CLNK: variants seen among roughly 807,000 people sequenced by gnomAD.
CLNK encodes cytokine-dependent hematopoietic cell linker.
In CLNK, 74 loss-of-function variants were observed where a neutral mutation model predicts 68.6. The ratio of observed to expected loss-of-function variants is 1.08; its 90% CI spans 0.89 to 1.31. The LOEUF is 1.31. Ranked by LOEUF, CLNK falls within the 50% of genes most tolerant of loss-of-function variation. The pLI is 0.00. For missense variants in CLNK, 553 were observed against 515.3 expected, an observed-to-expected ratio of 1.07 and a Z score of -0.71; for synonymous variants, 198 against 172.2, an observed-to-expected ratio of 1.15 and a Z score of -1.17.
intron 2 of CLNK, among the ~76,000 whole-genome samples, chr4:10,600,564 T>C (rs183733509): frequency 1.4e-3 from 216 of 152,276 alleles, no homozygotes; most frequent in Middle Eastern, 3.4e-3. Context: ...TCCCCTTGCA[T>C]TGGAGCCTTG....
intron 2 of CLNK, among the ~76,000 whole-genome samples, chr4:10,646,369 C>T (rs1723511276): frequency 6.6e-6 from 1 of 152,108 alleles, no homozygotes; most frequent in Non-Finnish European, 1.5e-5. Context: ...ATTTTTAAAT[C>T]CAGAGAGCTT....
the CLNK span, among the ~76,000 whole-genome samples, chr4:10,725,636 A>G: frequency 2.0e-4 from 30 of 152,242 alleles, no homozygotes; most frequent in South Asian, 8.3e-4. Flanking sequence ...GGCGGATCAC[A>G]AGGTCAGGAG....
chr4:10,630,085 C>G (rs1722826381), intron 2 of CLNK, among the ~76,000 whole-genome samples: 1 of 152,164 alleles, frequency 6.6e-6, no homozygotes, highest in African/African-American at 2.4e-5. Context: ...AGGGATATAA[C>G]AGAGGATAGC....
chr4:10,691,643 C>T, the CLNK span, among the ~76,000 whole-genome samples: 1 of 151,548 alleles, frequency 6.6e-6, no homozygotes, highest in Non-Finnish European at 1.5e-5. Flanking sequence ...TTGCCGGATA[C>T]TTTTCCCCAA....
chr4:10,716,512 AAAC>A, the CLNK span, among the ~76,000 whole-genome samples: 12 of 152,134 alleles, frequency 7.9e-5, no homozygotes, highest in Non-Finnish European at 1.5e-4. Flanking sequence ...TAAACCTAAA[AAAC>A]AACAAGGTGG....
chr4:10,499,776 C>T (rs1026345833), intron 18 of CLNK, among the ~76,000 whole-genome samples: 8 of 152,160 alleles, frequency 5.3e-5, no homozygotes. Flanking sequence ...TCTCCCACGA[C>T]CCCTCTCCTT....
chr4:10,591,414 T>G (rs1006815996), intron 3 of CLNK, among the ~76,000 whole-genome samples: 2 of 152,238 alleles, frequency 1.3e-5, no homozygotes, highest in Non-Finnish European at 2.9e-5. Flanking sequence ...ATTCTCAGAC[T>G]GCCTACCCTG....
chr4:10,615,477 G>A (rs1456537047), intron 2 of CLNK, among the ~76,000 whole-genome samples: 2 of 151,280 alleles, frequency 1.3e-5, no homozygotes, highest in African/African-American at 2.4e-5. Flanking sequence ...AGGTCGTGCC[G>A]CCGCACTCCA....
chr4:10,521,998 C>T (rs1431534490), intron 14 of CLNK, among the ~76,000 whole-genome samples: 3 of 152,080 alleles, frequency 2.0e-5, no homozygotes, highest in African/African-American at 4.8e-5. Context: ...TTGGCTCACG[C>T]GTGTAATCCC....
At chr4:10,687,457 G>C (rs765964986), upstream of CLNK, among the ~76,000 whole-genome samples, 1 of 151,818 alleles carries the variant, frequency 6.6e-6, no homozygotes, top group Non-Finnish European at 1.5e-5. Context: ...AAAAAGAGGA[G>C]GGAAGAGGAG....
intron 2 of CLNK, among the ~76,000 whole-genome samples, chr4:10,638,969 C>G: frequency 6.6e-6 from 1 of 152,192 alleles, no homozygotes; most frequent in Non-Finnish European, 1.5e-5. Context: ...AAATTAGTTA[C>G]CTCTGTCTCC....
intron 2 of CLNK, among the ~76,000 whole-genome samples, chr4:10,623,818 G>A (rs767061097): frequency 4.6e-5 from 7 of 152,242 alleles, no homozygotes; most frequent in Non-Finnish European, 5.9e-5. Flanking sequence ...GCTACAGAAG[G>A]AGAACCCAAC....
intron 17 of CLNK, among the ~76,000 whole-genome samples, chr4:10,506,013 C>T (rs1160688759): frequency 6.6e-6 from 1 of 152,102 alleles, no homozygotes; most frequent in Non-Finnish European, 1.5e-5. Flanking sequence ...AGGTTACCTC[C>T]TTCAACAGTG....
the CLNK span, among the ~76,000 whole-genome samples, chr4:10,699,512 A>ATATATATTTTTT: frequency 4.0e-3 from 131 of 32,576 alleles, 1 homozygote; most frequent in Admixed American, 8.8e-3. Flanking sequence ...ATATATATAT[A>ATATATATTTTTT]TTTTTTTTTT....
At chr4:10,677,606 C>T (rs903585763) in intron 1 of CLNK, among the ~76,000 whole-genome samples, 2 of 151,894 alleles carry the variant, frequency 1.3e-5, no homozygotes, top group African/African-American at 4.8e-5. Context: ...TGGGTGAGTT[C>T]TCACAAGATC....
intron 8 of CLNK, among the ~76,000 whole-genome samples, chr4:10,544,266 T>C (rs1719141536): frequency 6.6e-6 from 1 of 152,162 alleles, no homozygotes; most frequent in Admixed American, 6.5e-5. Context: ...TCTTCAGGGG[T>C]TGTGAGTTTA....
chr4:10,683,422 A>T (rs758116603), intron 1 of CLNK, among the ~76,000 whole-genome samples: 4 of 152,212 alleles, frequency 2.6e-5, no homozygotes, highest in Non-Finnish European at 5.9e-5. Flanking sequence ...GGTGTCAGAG[A>T]CCACCCAGGA....
intron 5 of CLNK, among the ~76,000 whole-genome samples, chr4:10,570,997 C>T (rs1350636040): frequency 6.6e-6 from 1 of 152,092 alleles, no homozygotes; most frequent in Admixed American, 6.6e-5. Context: ...GCTTTTTAAA[C>T]TCCCAAGAAT....
chr4:10,518,946 A>ATGAG (rs2109044802), intron 15 of CLNK, among the ~76,000 whole-genome samples: 1 of 152,316 alleles, frequency 6.6e-6, no homozygotes, highest in East Asian at 1.9e-4. Flanking sequence ...ACCCAGTAGA[A>ATGAG]TGAGTATCGG....
Sources: gnomAD v4.1 joint callset for allele counts (sites outside exome capture counted in the v4.1 genomes callset) on GRCh38, gnomAD v4.1.1 for gene constraint, MANE v1.5 for transcripts, NCBI Gene and HGNC (gene_info 2026-07-23, HGNC 2026-07-21) for gene names.